Variants in TMEM132B observed in about 807,000 individuals in gnomAD.
TMEM132B encodes transmembrane protein 132B.
In TMEM132B, 18 loss-of-function variants were observed where a neutral mutation model predicts 90.8. The observed-to-expected ratio is 0.20, with a 90% CI of 0.14 to 0.29. The LOEUF is 0.29. Ranked by LOEUF, TMEM132B falls within the 10% of genes least tolerant of loss-of-function variation. The pLI is 1.00. For missense variants in TMEM132B, 1,096 were observed against 1,326.8 expected, an observed-to-expected ratio of 0.83 and a Z score of 2.70; for synonymous variants, 504 against 523.3, an observed-to-expected ratio of 0.96 and a Z score of 0.50.
At chr12:125,319,250 G>A (rs1476090439) in intron 1 of TMEM132B, among the ~76,000 whole-genome samples, 1 of 152,242 alleles carries the variant, frequency 6.6e-6, no homozygotes, top group Non-Finnish European at 1.5e-5. Flanking sequence ...AGAGCCGGTG[G>A]CAGTGTACTA....
chr12:125,548,279 AG>A (rs1884138704), intron 4 of TMEM132B, among the ~76,000 whole-genome samples: 1 of 152,208 alleles, frequency 6.6e-6, no homozygotes, highest in Non-Finnish European at 1.5e-5. Flanking sequence ...CCCCTTCCCA[AG>A]CCATTGGAGG....
chr12:125,545,119 T>C (rs1404677559), intron 4 of TMEM132B, among the ~76,000 whole-genome samples: 2 of 152,038 alleles, frequency 1.3e-5, no homozygotes, highest in East Asian at 3.9e-4. Flanking sequence ...GGAGGCTCAA[T>C]GTTAGTGGAA....
chr12:125,381,397 C>T (rs927057422), intron 2 of TMEM132B, among the ~76,000 whole-genome samples: 9 of 152,128 alleles, frequency 5.9e-5, no homozygotes, highest in Non-Finnish European at 8.8e-5. Flanking sequence ...GTCCCTGGGA[C>T]GTCATACCAC....
chr12:125,626,503 A>C (rs4765266), intron 5 of TMEM132B, among the ~76,000 whole-genome samples: 72,488 of 151,708 alleles, frequency 0.48, 18,085 homozygotes, highest in African/African-American at 0.61. Flanking sequence ...GTTAGCAATT[A>C]TCTTAAGCTT....
At chr12:125,355,821 C>T (rs1172733598) in intron 2 of TMEM132B, among the ~76,000 whole-genome samples, 2 of 152,118 alleles carry the variant, frequency 1.3e-5, no homozygotes, top group Non-Finnish European at 2.9e-5. Context: ...AGATGTGTAC[C>T]ATTCCACGTG....
intron 1 of TMEM132B, among the ~76,000 whole-genome samples, chr12:125,321,153 G>A (rs1876416395): frequency 6.6e-6 from 1 of 152,212 alleles, no homozygotes; most frequent in Non-Finnish European, 1.5e-5. Flanking sequence ...TACATGCAAT[G>A]TAGACCAAAG....
Position 125,654,464 on chromosome 12 carries a change from A to G in TMEM132B, c.3006A>G (p.Leu1002=), listed in dbSNP as rs752253804. Residue 1002 remains leucine (L), a synonymous_variant, in exon 9 of 9, where the codon CTA becomes CTG. Transcript: ENST00000682704. The surrounding 1 kb of genome is among the most constrained non-coding windows in gnomAD (Gnocchi z 5.8). The stretch of plus-strand genomic sequence containing the variant: ...CCCAGAAGACTTTTCATAGTCAACT[A>G]CTCAGACCCTCTGACTATGTCTATG... ...GSSQKTFHSQ[L]LRPSDYVYEK... is the part of the protein sequence containing the mutation. 3.1e-6 allele frequency: 5 copies of G among 1,613,708 alleles called. No individual in the cohort carries two copies. Among genetic ancestry groups the G allele is most frequent in the East Asian group, 4.5e-5 (2 of 44,862 alleles).
intron 4 of TMEM132B, among the ~76,000 whole-genome samples, chr12:125,578,962 G>T (rs1884992694): frequency 6.6e-6 from 1 of 152,056 alleles, no homozygotes; most frequent in Non-Finnish European, 1.5e-5. Context: ...CTGAACTCTT[G>T]GACGTGCAGA....
intron 1 of TMEM132B, among the ~76,000 whole-genome samples, chr12:125,211,423 G>A (rs986965298): frequency 6.6e-6 from 1 of 152,178 alleles, no homozygotes; most frequent in Non-Finnish European, 1.5e-5. Flanking sequence ...CCTCCCCAAA[G>A]TCAGCCTCCA....
intron 5 of TMEM132B, among the ~76,000 whole-genome samples, chr12:125,636,630 G>T (rs1159967074): frequency 6.6e-6 from 1 of 152,138 alleles, no homozygotes. Flanking sequence ...AGAGCTTTCT[G>T]TTTCCTTCCC....
intron 3 of TMEM132B, among the ~76,000 whole-genome samples, chr12:125,510,763 A>T (rs957529104): frequency 6.6e-6 from 1 of 152,182 alleles, no homozygotes; most frequent in African/African-American, 2.4e-5. Flanking sequence ...TATCATTACC[A>T]TGCATGTTTT....
rs1388776126 is a variant in TMEM132B, at chr12:125,519,347, T to G, written c.1107-92T>G. The G allele has an allele frequency of 3.7e-6, 5 of 1,346,408 alleles. No homozygotes were observed. The African/African-American group carries it at 7.4e-5, about 20-fold the overall frequency. 83.4% of individuals were successfully genotyped at this position (1,346,408 alleles called of 1,614,324 possible). ...TGAACTTGGCAGTCATTCTTTTGGT[T>G]GACAAATAAGAATGTGGCAATTTAT... is the stretch of plus-strand genomic sequence containing the variant. On this transcript the variant is annotated intron_variant, in intron 3 of 8. Transcript: ENST00000682704.
intron 1 of TMEM132B, among the ~76,000 whole-genome samples, chr12:125,222,666 G>C (rs756131979): frequency 2.6e-5 from 4 of 152,190 alleles, no homozygotes; most frequent in African/African-American, 4.8e-5. Context: ...AGGGTTCTTA[G>C]CCTTGGCATT....
chr12:125,229,036 G>A (rs1873754137), intron 1 of TMEM132B, among the ~76,000 whole-genome samples: 1 of 152,210 alleles, frequency 6.6e-6, no homozygotes, highest in East Asian at 1.9e-4. Context: ...GGGCGAGGGA[G>A]ACCTTGCCAG....
intron 1 of TMEM132B, among the ~76,000 whole-genome samples, chr12:125,304,707 T>G (rs1198081531): frequency 6.6e-6 from 1 of 152,154 alleles, no homozygotes; most frequent in African/African-American, 2.4e-5. Context: ...GCTGCTTGCC[T>G]GTAGTCCCAA....
In TMEM132B at chr12:125,428,853, C is replaced by T. The variant is rs549706833; in HGVS notation, c.1106+13176C>T. On this transcript the variant is annotated intron_variant, in intron 3 of 8. Transcript: ENST00000682704. ...ACACGTGGTCCCATGCTATGTTGAC[C>T]ATGAGCAGTTTGCAGCCTGTAGCTG... is the stretch of plus-strand genomic sequence containing the variant. Among the ~76,000 whole-genome samples, 10 of 152,244 alleles carry T rather than the reference C, an allele frequency of 6.6e-5. No homozygotes were observed. In the East Asian group the frequency reaches 7.7e-4, roughly 12 times the overall value.
chr12:125,628,858 T>C (rs184624557), intron 5 of TMEM132B, among the ~76,000 whole-genome samples: 4 of 152,330 alleles, frequency 2.6e-5, no homozygotes, highest in African/African-American at 7.2e-5. Flanking sequence ...GTTTCATTTC[T>C]CTACATATGG....
chr12:125,210,966 A>G (rs1873304990), intron 1 of TMEM132B, among the ~76,000 whole-genome samples: 4 of 152,088 alleles, frequency 2.6e-5, no homozygotes. Context: ...CTGTCTCAAA[A>G]GAGAAAGTAC....
chr12:125,561,973 A>T (rs959717075), intron 4 of TMEM132B, among the ~76,000 whole-genome samples: 3 of 152,214 alleles, frequency 2.0e-5, no homozygotes, highest in Admixed American at 1.3e-4. Flanking sequence ...TCTCTTCTCT[A>T]GCGATCCTAG....
Sources: allele counts gnomAD v4.1 joint callset (sites outside exome capture counted in the v4.1 genomes callset), GRCh38; gene constraint gnomAD v4.1.1; non-coding constraint Gnocchi (gnomAD v3.1); transcripts MANE v1.5; gene names NCBI Gene and HGNC (gene_info 2026-07-23, HGNC 2026-07-21).